The following CYTH1 variants were observed in gnomAD, a reference collection of about 807,000 sequenced individuals.
The protein encoded by CYTH1 is cytohesin 1.
A neutral mutation model predicts 61.8 loss-of-function variants in CYTH1; 18 were observed. The ratio of observed to expected loss-of-function variants is 0.29; its 90% CI spans 0.20 to 0.43. The LOEUF (loss-of-function observed/expected upper bound fraction) is 0.43. Among genes scored for constraint, CYTH1 ranks in the 20% least tolerant of loss-of-function variants. CYTH1 has a pLI of 1.00. For synonymous variants in CYTH1, 174 were observed against 184.3 expected, an observed-to-expected ratio of 0.94 and a Z score of 0.45; for missense variants, 336 against 510.5, an observed-to-expected ratio of 0.66 and a Z score of 3.29.
rs1462783855 is a variant in CYTH1 at position 78,675,852 on chromosome 17, C to T, written c.*239G>A. On this transcript the variant is annotated 3_prime_UTR_variant, in exon 14 of 14. Transcript: ENST00000446868. ...CTGCCCTGCCGACAAGAGCTCTGCC[C>T]TGTGAGAGAGGAAGGCTCTGGAGCC... 7 of 1,456,080 alleles carry T rather than the reference C, an allele frequency of 4.8e-6. No individual in the cohort carries two copies. Among genetic ancestry groups the T allele is most frequent in the African/African-American group, 1.4e-5 (1 of 69,884 alleles). 90.2% of individuals were successfully genotyped at this position (1,456,080 alleles called of 1,614,324 possible).
intron 1 of CYTH1, among the ~76,000 whole-genome samples, chr17:78,728,156 A>G (rs1196487845): frequency 6.6e-6 from 1 of 152,192 alleles, no homozygotes; most frequent in Non-Finnish European, 1.5e-5. Flanking sequence ...CCTCTCATCT[A>G]GACAGGAAAA....
intron 11 of CYTH1, among the ~76,000 whole-genome samples, chr17:78,690,503 A>G (rs2092872727): frequency 1.3e-5 from 2 of 149,276 alleles, no homozygotes; most frequent in East Asian, 4.0e-4. Context: ...AACATGGTGA[A>G]ACCCCATCCC....
intron 1 of CYTH1, among the ~76,000 whole-genome samples, chr17:78,722,028 C>T (rs920979662): frequency 6.6e-6 from 1 of 152,072 alleles, no homozygotes; most frequent in African/African-American, 2.4e-5. Context: ...GCCTGGGCAA[C>T]AAGAGCAAAA....
At chr17:78,752,434 G>A (rs2093383932) in intron 1 of CYTH1, among the ~76,000 whole-genome samples, 1 of 152,034 alleles carries the variant, frequency 6.6e-6, no homozygotes, top group Non-Finnish European at 1.5e-5. Context: ...AGACAGGACA[G>A]AGAACTTCTT....
chr17:78,773,119 C>T (rs1427460184), intron 1 of CYTH1, among the ~76,000 whole-genome samples: 1 of 152,100 alleles, frequency 6.6e-6, no homozygotes, highest in Non-Finnish European at 1.5e-5. Flanking sequence ...AAGCATGAGC[C>T]ACCATGCCCA....
intron 10 of CYTH1, among the ~76,000 whole-genome samples, chr17:78,694,356 A>G (rs2092917851): frequency 6.6e-6 from 1 of 152,230 alleles, no homozygotes; most frequent in South Asian, 2.1e-4. Context: ...CTCTCCCTCC[A>G]GTAACTTCTA....
Position 78,675,854 on chromosome 17 carries a change from G to A in CYTH1, c.*237C>T. ...GCCCTGCCGACAAGAGCTCTGCCCT[G>A]TGAGAGAGGAAGGCTCTGGAGCCCA... On this transcript the variant is annotated 3_prime_UTR_variant, in exon 14 of 14. Coordinates refer to ENST00000446868, the MANE Select transcript of CYTH1 (RefSeq NM_004762.6). The A allele has an allele frequency of 1.4e-6, 2 of 1,457,054 alleles. No homozygotes were observed. Among genetic ancestry groups the A allele is most frequent in the East Asian group, 2.5e-5 (1 of 40,014 alleles). 90.3% of individuals were successfully genotyped at this position (1,457,054 alleles called of 1,614,324 possible). A position where few individuals can be genotyped will look rare whatever the true frequency, so the allele number is the denominator to read the frequency against.
chr17:78,767,707 T>A (rs2093454806), intron 1 of CYTH1, among the ~76,000 whole-genome samples: 1 of 151,380 alleles, frequency 6.6e-6, no homozygotes, highest in Admixed American at 6.6e-5. Context: ...CAGTGATAAG[T>A]GAATGGTGAT....
At chr17:78,688,830 G>A (rs1481202652) in intron 11 of CYTH1, among the ~76,000 whole-genome samples, 4 of 152,204 alleles carry the variant, frequency 2.6e-5, no homozygotes. Context: ...TACAAAGTGG[G>A]CTTGGCGAAT....
chr17:78,705,499 A>C (rs146598054), intron 3 of CYTH1, among the ~76,000 whole-genome samples: 9 of 152,330 alleles, frequency 5.9e-5, no homozygotes, highest in Admixed American at 3.3e-4. Flanking sequence ...TCAGAAAGTG[A>C]AATCCTGTAC....
chr17:78,702,240 CCTA>C lies in CYTH1; in HGVS notation c.238-3_238-1del. 6.2e-7 allele frequency: 1 copy of C among 1,611,286 alleles called. No homozygotes were observed. The highest frequency in any genetic ancestry group is 2.2e-5 in the East Asian group (1 of 44,868). On this transcript the variant is annotated splice_acceptor_variant and splice_polypyrimidine_tract_variant and intron_variant, in intron 4 of 13. Transcript: ENST00000446868. LOFTEE classifies it high-confidence loss of function. ...TCGTTCTCTATTAAGAACTGGATCC[CCTA>C]GAAAAAGACAACAAAGACGCCAATG...
At chr17:78,681,903 C>T (rs1038185495) in intron 11 of CYTH1, among the ~76,000 whole-genome samples, 3 of 151,966 alleles carry the variant, frequency 2.0e-5, no homozygotes, top group African/African-American at 7.3e-5. Context: ...GTCTTTCAGC[C>T]ATTTCCCCAT....
intron 5 of CYTH1, 151 bp from the exon 6 acceptor site, chr17:78,701,902 T>G (rs2093014174): frequency 1.2e-6 from 1 of 815,072 alleles, no homozygotes; most frequent in South Asian, 1.6e-5. Context: ...GCAAGAAGAC[T>G]GGCTAGCTCT....
intron 1 of CYTH1, among the ~76,000 whole-genome samples, chr17:78,775,238 G>A (rs558852729): frequency 6.6e-6 from 1 of 152,208 alleles, no homozygotes; most frequent in Non-Finnish European, 1.5e-5. Flanking sequence ...AGATTGGGGG[G>A]GCCGCTGGGG....
At chr17:78,688,856 A>G (rs573292774) in intron 11 of CYTH1, among the ~76,000 whole-genome samples, 1 of 152,296 alleles carries the variant, frequency 6.6e-6, no homozygotes, top group East Asian at 1.9e-4. Context: ...CACCTGTTGA[A>G]ATGAACCTAG....
At chr17:78,712,035 C>T (rs189614024) in intron 1 of CYTH1, among the ~76,000 whole-genome samples, 435 of 150,864 alleles carry the variant, frequency 2.9e-3, no homozygotes, top group Non-Finnish European at 5.2e-3. Context: ...GCCAAGATCG[C>T]ACCACTGCAC....
chr17:78,708,366 A>C, intron 2 of CYTH1, 105 bp from the exon 3 acceptor site: 1 of 1,043,166 alleles, frequency 9.6e-7, no homozygotes, highest in Non-Finnish European at 1.4e-6. Context: ...AAATAAAGCA[A>C]AATGAAACAA....
Position 78,714,018 on chromosome 17 carries a change from G to A in CYTH1, c.23-4286C>T, listed in dbSNP as rs769927455. Among the ~76,000 whole-genome samples, 6 of 152,140 alleles carry A rather than the reference G, an allele frequency of 3.9e-5. No individual in the cohort carries two copies. In the East Asian group the frequency reaches 1.2e-3, roughly 29 times the overall value. On this transcript the variant is annotated intron_variant, in intron 1 of 13. Transcript: ENST00000446868. ...AATAGTAAAGGAATAGGCCAGGCGC[G>A]GTGGTCCACGCCTGTAATCCTAGCA... is the stretch of plus-strand genomic sequence containing the variant.
At chr17:78,676,950 C>T (rs2092706473) in intron 13 of CYTH1, 1 of 453,472 alleles carries the variant, frequency 2.2e-6, no homozygotes, top group Admixed American at 2.4e-5. Context: ...ATGATTTGTT[C>T]CAGAGCTCGG....
Sources: gnomAD v4.1 joint callset for allele counts (sites outside exome capture counted in the v4.1 genomes callset) on GRCh38, gnomAD v4.1.1 for gene constraint, MANE v1.5 for transcripts, NCBI Gene and HGNC (gene_info 2026-07-23, HGNC 2026-07-21) for gene names.